RCC1: variants seen among roughly 807,000 people sequenced by gnomAD.
The protein encoded by RCC1 is regulator of chromosome condensation.
A neutral mutation model predicts 44.4 loss-of-function variants in RCC1; 11 were observed. The observed-to-expected ratio is 0.25, with a 90% CI of 0.16 to 0.41. The LOEUF (loss-of-function observed/expected upper bound fraction) is 0.41, where lower values mean the gene tolerates loss of function less well. Ranked by LOEUF, RCC1 falls within the 10% of genes least tolerant of loss-of-function variation. RCC1 has a pLI of 1.00. For synonymous variants in RCC1, 213 were observed against 216.5 expected (o/e 0.98, Z 0.14); for missense variants, 386 against 547.1 (o/e 0.71, Z 2.94).
chr1:28,532,212 G>A lies in RCC1; in HGVS notation c.303G>A (p.Arg101=), dbSNP rs766777217. ...FGCNDEGALG[R]DTSVEGSEMV... ...GCAATGATGAGGGTGCCCTGGGAAG[G>A]GACACATCAGTGGAGGGCTCGGAGA... Residue 101 remains arginine, a synonymous_variant, in exon 7 of 13, where the codon AGG becomes AGA. Coordinates refer to ENST00000683442, the MANE Select transcript of RCC1 (RefSeq NM_001381865.2). The A allele has an allele frequency of 3.7e-6, 6 of 1,613,710 alleles. No individual in the cohort carries two copies. The highest frequency in any genetic ancestry group is 1.6e-4 in the Middle Eastern group (1 of 6,084).
intron 4 of RCC1, among the ~76,000 whole-genome samples, chr1:28,525,347 G>C (rs1570195813): frequency 6.6e-6 from 1 of 152,146 alleles, no homozygotes; most frequent in East Asian, 1.9e-4. Context: ...CAGAAATTGG[G>C]CATAAGACAA....
intron 4 of RCC1, among the ~76,000 whole-genome samples, chr1:28,529,372 CG>C (rs200459019): frequency 0.012 from 1,751 of 151,606 alleles, 25 homozygotes; most frequent in Middle Eastern, 0.058. Context: ...TTAGTAGAGA[CG>C]GGGTTTTGCC....
chr1:28,518,927 T>C (rs1663099368), intron 4 of RCC1: 2 of 152,220 alleles, frequency 1.3e-5, no homozygotes, highest in Non-Finnish European at 2.9e-5. Context: ...TAGCGAACTA[T>C]GCCCTTGAAC....
At chr1:28,513,271 T>C (rs1211566767) in intron 3 of RCC1, among the ~76,000 whole-genome samples, 1 of 152,182 alleles carries the variant, frequency 6.6e-6, no homozygotes, top group African/African-American at 2.4e-5. Flanking sequence ...CTCAGCTCAC[T>C]GCAACCTCTG....
intron 3 of RCC1, among the ~76,000 whole-genome samples, chr1:28,511,405 T>G (rs928626020): frequency 0.019 from 1,322 of 68,058 alleles, 15 homozygotes; most frequent in African/African-American, 0.14. Flanking sequence ...TGTTTTTTGT[T>G]TTTTTTTTTT....
Position 28,536,338 on chromosome 1 carries a change from C to T in RCC1, c.894C>T (p.Gly298=). 1 of 1,614,122 alleles carries T rather than the reference C, an allele frequency of 6.2e-7. No homozygotes were observed. Among genetic ancestry groups the T allele is most frequent in the East Asian group, 2.2e-5 (1 of 44,882 alleles). ...SFKNSTKSWV[G]FSGGQHHTVC... ...AGAATTCCACCAAGTCCTGGGTGGG[C>T]TTCTCTGGTGGCCAGCACCATACAG... Residue 298 remains glycine, a synonymous_variant, in exon 11 of 13, where the codon GGC becomes GGT. Transcript: ENST00000683442. This position sits in a 1 kb window ranked among gnomAD's most constrained non-coding sequence, Gnocchi z 4.9.
chr1:28,525,362 A>G (rs1262482613), intron 4 of RCC1, among the ~76,000 whole-genome samples: 3 of 152,268 alleles, frequency 2.0e-5, no homozygotes, highest in African/African-American at 7.2e-5. Context: ...AGACAATATG[A>G]GGGGTGGTCT....
chr1:28,533,102 C>A (rs1022169324), intron 7 of RCC1, among the ~76,000 whole-genome samples: 3 of 152,168 alleles, frequency 2.0e-5, no homozygotes, highest in Non-Finnish European at 4.4e-5. Context: ...GCGTGGGCCA[C>A]CACACCCGGC....
intron 4 of RCC1, among the ~76,000 whole-genome samples, chr1:28,525,936 C>T (rs977053574): frequency 3.9e-5 from 6 of 152,056 alleles, no homozygotes; most frequent in African/African-American, 1.2e-4. Context: ...TCCTTCCCTT[C>T]GTAACATTAG....
rs769808394 is a variant in RCC1, at chr1:28,531,259, C to CTTTTTT, written c.74-539_74-538insTTTTTT. Among the ~76,000 whole-genome samples, 251 of 132,448 alleles carry CTTTTTT rather than the reference C, an allele frequency of 1.9e-3. 11 individuals carry two copies. The highest frequency in any genetic ancestry group is 4.6e-3 in the Middle Eastern group (1 of 216). 86.9% of individuals were successfully genotyped at this position (132,448 alleles called of 152,430 possible). On this transcript the variant is annotated intron_variant, in intron 5 of 12. Coordinates refer to ENST00000683442, the MANE Select transcript of RCC1 (RefSeq NM_001381865.2). ...CAATAACAATAATTAGCTTTCTTTT[C>CTTTTTT]TTTTTCTTTTTTTTTTTTTTTTTGA...
intron 7 of RCC1, among the ~76,000 whole-genome samples, chr1:28,534,383 G>A (rs1393458983): frequency 1.3e-5 from 2 of 152,002 alleles, no homozygotes; most frequent in Non-Finnish European, 2.9e-5. Flanking sequence ...GCATTTCACC[G>A]TGTTAGCCGG....
rs189749117 is a variant in RCC1 at position 28,514,675 on chromosome 1, T to C, written c.-152-2050T>C. On this transcript the variant is annotated intron_variant, in intron 3 of 12. Coordinates refer to ENST00000683442, the MANE Select transcript of RCC1 (RefSeq NM_001381865.2). Reference sequence around the variant, plus strand: ...ACTCGGGATGCTGAGGCAGGAGAATTGCTTGAACCTGGGAGGCAGAGGTTG... The same window carrying C: ...ACTCGGGATGCTGAGGCAGGAGAATCGCTTGAACCTGGGAGGCAGAGGTTG... Among the ~76,000 whole-genome samples, 160 of 150,440 alleles carry C rather than the reference T, an allele frequency of 1.1e-3. 1 individual carries two copies. The highest frequency in any genetic ancestry group is 1.9e-3 in the Non-Finnish European group (130 of 67,582).
Position 28,526,590 on chromosome 1 carries a change from A to C in RCC1, c.-9-3268A>C, listed in dbSNP as rs556797118. Reference sequence around the variant, plus strand: ...AGAAGCAACAATTTCTGTAGGACACACAAAGGTGAAATCCAAAGGATAGGG... The same window carrying C: ...AGAAGCAACAATTTCTGTAGGACACCCAAAGGTGAAATCCAAAGGATAGGG... On this transcript the variant is annotated intron_variant, in intron 4 of 12. Transcript: ENST00000683442. The C allele has an allele frequency of 3.6e-5, 20 of 556,156 alleles. No individual in the cohort carries two copies. In the South Asian group the frequency reaches 3.8e-4, roughly 11 times the overall value. The allele number at this position is 556,156 out of a possible 1,614,324, so 34.5% of individuals were successfully genotyped here. A position where few individuals can be genotyped will look rare whatever the true frequency, so the allele number is the denominator to read the frequency against.
chr1:28,536,890 A>G lies in RCC1; in HGVS notation c.1081A>G (p.Thr361Ala). Reference sequence around the variant, plus strand: ...TGGGGCCTCTGTGGGGTATGCTGTGACCAAGGATGGTGAGTGGGGCTGCCT... The same window carrying G: ...TGGGGCCTCTGTGGGGTATGCTGTGGCCAAGGATGGTGAGTGGGGCTGCCT... ...ACGASVGYAV[T>A]KDGRVFAWGM... Residue 361 changes from threonine to alanine, a missense_variant, in exon 12 of 13, where the codon ACC (threonine) becomes GCC (alanine). Physicochemically the swap from Thr to Ala is moderately conservative, Grantham distance 58 (BLOSUM62 0). Coordinates refer to ENST00000683442, the MANE Select transcript of RCC1 (RefSeq NM_001381865.2). This position sits in a 1 kb window ranked among gnomAD's most constrained non-coding sequence, Gnocchi z 4.9. 1 of 1,613,608 alleles carries G rather than the reference A, an allele frequency of 6.2e-7. No individual in the cohort carries two copies. The highest frequency in any genetic ancestry group is 2.2e-5 in the East Asian group (1 of 44,838).
At chr1:28,506,805 A>C (rs1030004479) in intron 1 of RCC1, 8 of 155,160 alleles carry the variant, frequency 5.2e-5, no homozygotes, top group African/African-American at 2.0e-4. Flanking sequence ...GGGCTCAAGC[A>C]ATTCTCCTGC....
At chr1:28,531,058 G>A (rs1298120640) in intron 5 of RCC1, among the ~76,000 whole-genome samples, 8 of 152,004 alleles carry the variant, frequency 5.3e-5, no homozygotes, top group Admixed American at 2.6e-4. Flanking sequence ...GTGAAACCCC[G>A]TCTCTACTAA....
In RCC1 at chr1:28,533,470, C is replaced by CA. The variant is rs201704268; in HGVS notation, c.441+1133dup. Among the ~76,000 whole-genome samples the CA allele has an allele frequency of 1.5e-3, 160 of 107,352 alleles. No homozygotes were observed. In the East Asian group the frequency reaches 0.017, roughly 12 times the overall value. The allele number at this position is 107,352 out of a possible 152,430, so 70.4% of individuals were successfully genotyped here. A position where few individuals can be genotyped will look rare whatever the true frequency, so the allele number is the denominator to read the frequency against. The stretch of plus-strand genomic sequence containing the variant: ...TAGGGGACAGAGCGAGACTCCATCT[C>CA]AAAAAAAAAAAAAGAAGTCCGGGCG... On this transcript the variant is annotated intron_variant, in intron 7 of 12. Transcript: ENST00000683442.
chr1:28,520,156 G>T lies in RCC1; in HGVS notation c.-10+3289G>T, dbSNP rs137967558. ...TACCACCTGTGTGCCTGGCATAACAGCAGCTCACCAAATGTATATTGTTGA... is the reference window on the plus strand; with the variant it reads ...TACCACCTGTGTGCCTGGCATAACATCAGCTCACCAAATGTATATTGTTGA... On this transcript the variant is annotated intron_variant, in intron 4 of 12. Coordinates refer to ENST00000683442, the MANE Select transcript of RCC1 (RefSeq NM_001381865.2). 9.4e-3 allele frequency among the ~76,000 whole-genome samples: 1,432 copies of T among 152,262 alleles called. 11 individuals are homozygous for T. The highest frequency in any genetic ancestry group is 0.017 in the Non-Finnish European group (1,140 of 68,014).
chr1:28,529,943 A>G lies in RCC1; in HGVS notation c.73+4A>G. On this transcript the variant is annotated splice_donor_region_variant and intron_variant, in intron 5 of 12. Coordinates refer to ENST00000683442, the MANE Select transcript of RCC1 (RefSeq NM_001381865.2). Reference sequence around the variant, plus strand: ...CCCAAAAGCAAGAAGGTGAAGGGTAAGTTGGCCTTGGCCTCTTTGTGGGTA... The same window carrying G: ...CCCAAAAGCAAGAAGGTGAAGGGTAGGTTGGCCTTGGCCTCTTTGTGGGTA... The G allele has an allele frequency of 1.2e-6, 2 of 1,613,432 alleles. No individual in the cohort carries two copies. Among genetic ancestry groups the G allele is most frequent in the Non-Finnish European group, 1.7e-6 (2 of 1,179,604 alleles).
Sources: gnomAD v4.1 joint callset for allele counts (sites outside exome capture counted in the v4.1 genomes callset) on GRCh38, gnomAD v4.1.1 for gene constraint, Gnocchi (gnomAD v3.1) non-coding constraint, MANE v1.5 for transcripts, NCBI Gene and HGNC (gene_info 2026-07-23, HGNC 2026-07-21) for gene names.